Variants in PLEKHA3 observed in about 807,000 individuals in gnomAD.
PLEKHA3 encodes the protein pleckstrin homology domain-containing family A member 3.
Under a neutral mutation model 39.2 loss-of-function variants are expected in PLEKHA3, and 19 were observed. That is an observed-to-expected ratio of 0.48 (90% CI 0.34 to 0.71). PLEKHA3 has a LOEUF of 0.71. Ranked by LOEUF, PLEKHA3 falls within the 30% of genes least tolerant of loss-of-function variation. The probability of loss-of-function intolerance (pLI) is 0.01; values close to 1 mark genes in which losing one functional copy is unlikely to be tolerated. For synonymous variants in PLEKHA3, 97 were observed against 118.6 expected (o/e 0.82, Z 1.18); for missense variants, 253 against 359.5 (o/e 0.70, Z 2.40).
chr2:178,488,139 G>A (rs987888447), intron 2 of PLEKHA3, among the ~76,000 whole-genome samples: 4 of 151,946 alleles, frequency 2.6e-5, no homozygotes, highest in Non-Finnish European at 5.9e-5. Context: ...AGGGTTGAAT[G>A]TTGTCTTCTT....
intron 6 of PLEKHA3, among the ~76,000 whole-genome samples, chr2:178,500,449 T>C (rs1685512930): frequency 6.6e-6 from 1 of 152,106 alleles, no homozygotes; most frequent in South Asian, 2.1e-4. Flanking sequence ...AAATAATAAT[T>C]TTAAAATCTT....
chr2:178,500,608 C>T (rs1048041097), intron 6 of PLEKHA3, among the ~76,000 whole-genome samples: 11 of 152,004 alleles, frequency 7.2e-5, no homozygotes, highest in African/African-American at 2.7e-4. Context: ...TTCTAGGCCC[C>T]TTTTTGCCAT....
At position 178,495,498 on chromosome 2, in the gene PLEKHA3, C is replaced by T; in HGVS notation, c.453C>T (p.Asn151=). The part of the protein sequence containing the change: ...DENHSSPSAE[N]MNEASSLLSA... ...CAAGTCTTTGTGTAATTTTTCAGAA[C>T]ATGAATGAAGCCTCTTCTCTGCTTA... Residue 151 remains asparagine, a splice_region_variant and synonymous_variant, in exon 5 of 8, where the codon AAC becomes AAT. Coordinates refer to ENST00000234453, the MANE Select transcript of PLEKHA3 (RefSeq NM_019091.4). 1 of 1,613,788 alleles carries T rather than the reference C, an allele frequency of 6.2e-7. No individual in the cohort carries two copies. Among genetic ancestry groups the T allele is most frequent in the Non-Finnish European group, 8.5e-7 (1 of 1,179,932 alleles).
chr2:178,494,775 A>G (rs1391893306), intron 4 of PLEKHA3, among the ~76,000 whole-genome samples: 2 of 152,098 alleles, frequency 1.3e-5, no homozygotes, highest in Non-Finnish European at 2.9e-5. Flanking sequence ...AGGTGTCAAG[A>G]TGACTGTCAA....
chr2:178,487,705 A>C (rs573908392), intron 2 of PLEKHA3, among the ~76,000 whole-genome samples: 2 of 152,268 alleles, frequency 1.3e-5, no homozygotes, highest in East Asian at 3.9e-4. Flanking sequence ...TGGCCTCCCA[A>C]AGTGTTGGAA....
In PLEKHA3 at chr2:178,513,968, G is replaced by C. The variant is rs138628497; in HGVS notation, c.*10081G>C. The C allele has an allele frequency of 6.6e-6, 1 of 152,140 alleles. No individual in the cohort carries two copies. Among genetic ancestry groups the C allele is most frequent in the Non-Finnish European group, 1.5e-5 (1 of 68,022 alleles). 9.4% of individuals were successfully genotyped at this position (152,140 alleles called of 1,614,324 possible). ...ATTTGTGGTCGCTAGGGGTTGCTGG[G>C]TTATCCAAGTGATTCAGCATGCCTT... On this transcript the variant is annotated 3_prime_UTR_variant, in exon 8 of 8. Coordinates refer to ENST00000234453, the MANE Select transcript of PLEKHA3 (RefSeq NM_019091.4).
At position 178,503,756 on chromosome 2, in the gene PLEKHA3, A is replaced by G. The variant is rs749355397; in HGVS notation, c.776-4A>G. 5.7e-6 allele frequency: 9 copies of G among 1,590,190 alleles called. No individual in the cohort carries two copies. In the East Asian group the frequency reaches 1.8e-4, roughly 32 times the overall value. On this transcript the variant is annotated splice_polypyrimidine_tract_variant and splice_region_variant and intron_variant, in intron 7 of 7. Coordinates refer to ENST00000234453, the MANE Select transcript of PLEKHA3 (RefSeq NM_019091.4). ...GTTTAACGTTTTTATCAATGTCTTC[A>G]TAGGACCTGTTCACTGTTCAAAAAA...
At chr2:178,485,581 T>C in intron 1 of PLEKHA3, 60 bp from the exon 2 acceptor site, 1 of 1,019,414 alleles carries the variant, frequency 9.8e-7, no homozygotes, top group Non-Finnish European at 1.5e-6. Flanking sequence ...AATCACAGTT[T>C]TCTATGTGGT....
In PLEKHA3 at chr2:178,482,118, C is replaced by G. The variant is rs139363696; in HGVS notation, c.40+1209C>G. The G allele has an allele frequency of 1.4e-3, 221 of 153,790 alleles. 5 individuals are homozygous for G. The South Asian group carries it at 0.022, about 15-fold the overall frequency. 9.5% of individuals were successfully genotyped at this position (153,790 alleles called of 1,614,324 possible). A position where few individuals can be genotyped will look rare whatever the true frequency, so the allele number is the denominator to read the frequency against. On this transcript the variant is annotated intron_variant, in intron 1 of 7. Coordinates refer to ENST00000234453, the MANE Select transcript of PLEKHA3 (RefSeq NM_019091.4). ...TGTTTTATTTTGTTCAAACTAAAAA[C>G]TCAATTTATTTCTATAAGTGACATG... is the stretch of plus-strand genomic sequence containing the variant.
rs1320018542 is a variant in PLEKHA3 at position 178,508,359 on chromosome 2, T to G, written c.*4472T>G. ...ACCTATTTTTATTTTATAGATTAACTGTTTCCCCATATCTCCCTGAGGATA... is the reference window on the plus strand; with the variant it reads ...ACCTATTTTTATTTTATAGATTAACGGTTTCCCCATATCTCCCTGAGGATA... On this transcript the variant is annotated 3_prime_UTR_variant, in exon 8 of 8. Transcript: ENST00000234453. The G allele has an allele frequency of 6.6e-6, 1 of 152,120 alleles. No individual in the cohort carries two copies. Among genetic ancestry groups the G allele is most frequent in the Non-Finnish European group, 1.5e-5 (1 of 68,004 alleles). 9.4% of individuals were successfully genotyped at this position (152,120 alleles called of 1,614,324 possible). A position where few individuals can be genotyped will look rare whatever the true frequency, so the allele number is the denominator to read the frequency against.
At chr2:178,503,628 C>A in intron 7 of PLEKHA3, 132 bp from the exon 8 acceptor site, 2 of 922,614 alleles carry the variant, frequency 2.2e-6, no homozygotes, top group Non-Finnish European at 3.2e-6. Flanking sequence ...ATGAAACAAA[C>A]AAGGAAATAC....
chr2:178,493,781 G>T, intron 3 of PLEKHA3, 72 bp from the exon 4 acceptor site: 1 of 1,354,562 alleles, frequency 7.4e-7, no homozygotes, highest in Non-Finnish European at 1.0e-6. Context: ...TTTTTTAAAT[G>T]ATTACATTTT....
Position 178,512,689 on chromosome 2 carries a change from A to G in PLEKHA3, c.*8802A>G, listed in dbSNP as rs959271376. 1.4e-4 allele frequency: 21 copies of G among 153,816 alleles called. No individual in the cohort carries two copies. The highest frequency in any genetic ancestry group is 4.8e-4 in the African/African-American group (20 of 41,466). The allele number at this position is 153,816 out of a possible 1,614,324, so 9.5% of individuals were successfully genotyped here. A position where few individuals can be genotyped will look rare whatever the true frequency, so the allele number is the denominator to read the frequency against. On this transcript the variant is annotated 3_prime_UTR_variant, in exon 8 of 8. Coordinates refer to ENST00000234453, the MANE Select transcript of PLEKHA3 (RefSeq NM_019091.4). ...CGGTGAAGCATTTTATGAGTGAACAATGGTGAGTCATGTAATGAAAGGAGA... is the reference window on the plus strand; with the variant it reads ...CGGTGAAGCATTTTATGAGTGAACAGTGGTGAGTCATGTAATGAAAGGAGA...
rs1316100894 is a variant in PLEKHA3, at chr2:178,512,535, TG to T, written c.*8649del. 6.6e-6 allele frequency: 1 copy of T among 152,372 alleles called. No individual in the cohort carries two copies. The highest frequency in any genetic ancestry group is 1.5e-5 in the Non-Finnish European group (1 of 68,036). 9.4% of individuals were successfully genotyped at this position (152,372 alleles called of 1,614,324 possible). On this transcript the variant is annotated 3_prime_UTR_variant, in exon 8 of 8. Transcript: ENST00000234453. ...ACTTAAATCTCAATATAAAGTATAT[TG>T]CCAGATCTGGCAGCATGGGGACAAT...
chr2:178,482,236 G>A lies in PLEKHA3; in HGVS notation c.40+1327G>A, dbSNP rs191511788. On this transcript the variant is annotated intron_variant, in intron 1 of 7. Coordinates refer to ENST00000234453, the MANE Select transcript of PLEKHA3 (RefSeq NM_019091.4). Reference sequence around the variant, plus strand: ...GAGAGCAGTTATACTGTTTGGTTGAGGTATAGTGTTAACTGTTAAAGACAG... The same window carrying A: ...GAGAGCAGTTATACTGTTTGGTTGAAGTATAGTGTTAACTGTTAAAGACAG... Among the ~76,000 whole-genome samples the A allele has an allele frequency of 1.4e-3, 218 of 152,176 alleles. 5 individuals are homozygous for A. The South Asian group carries it at 0.022, about 15-fold the overall frequency.
rs1558934635 is a variant in PLEKHA3, at chr2:178,513,473, C to T, written c.*9586C>T. 6.6e-6 allele frequency: 1 copy of T among 152,054 alleles called. No individual in the cohort carries two copies. Among genetic ancestry groups the T allele is most frequent in the Non-Finnish European group, 1.5e-5 (1 of 68,016 alleles). 9.4% of individuals were successfully genotyped at this position (152,054 alleles called of 1,614,324 possible). A position where few individuals can be genotyped will look rare whatever the true frequency, so the allele number is the denominator to read the frequency against. On this transcript the variant is annotated 3_prime_UTR_variant, in exon 8 of 8. Coordinates refer to ENST00000234453, the MANE Select transcript of PLEKHA3 (RefSeq NM_019091.4). ...CCTCTATGCAAGGAACTGTGGATTG[C>T]TTTTTTCTGGATAGCTAGAACGAGG...
Position 178,507,450 on chromosome 2 carries a change from C to A in PLEKHA3, c.*3563C>A, listed in dbSNP as rs188003043. 6.6e-6 allele frequency: 1 copy of A among 152,136 alleles called. No homozygotes were observed. Among genetic ancestry groups the A allele is most frequent in the Non-Finnish European group, 1.5e-5 (1 of 68,010 alleles). 9.4% of individuals were successfully genotyped at this position (152,136 alleles called of 1,614,324 possible). On this transcript the variant is annotated 3_prime_UTR_variant, in exon 8 of 8. Coordinates refer to ENST00000234453, the MANE Select transcript of PLEKHA3 (RefSeq NM_019091.4). ...TGCTTAGTTTTTAATGTACCTGTCA[C>A]AATGACTATCCAAAGGCTTAAATGC...
intron 4 of PLEKHA3, among the ~76,000 whole-genome samples, chr2:178,495,212 A>G (rs1685421832): frequency 6.6e-6 from 1 of 152,214 alleles, no homozygotes; most frequent in Non-Finnish European, 1.5e-5. Context: ...AAACTTTTGT[A>G]CACAGTTTTT....
chr2:178,499,758 A>G (rs1224791049), intron 6 of PLEKHA3, among the ~76,000 whole-genome samples: 1 of 152,162 alleles, frequency 6.6e-6, no homozygotes, highest in African/African-American at 2.4e-5. Context: ...AGTAGGCTAT[A>G]CTAGCTAGTT....
Sources: gnomAD v4.1 joint callset for allele counts (sites outside exome capture counted in the v4.1 genomes callset) on GRCh38, gnomAD v4.1.1 for gene constraint, MANE v1.5 for transcripts, NCBI Gene and HGNC (gene_info 2026-07-23, HGNC 2026-07-21) for gene names.